The following NDUFC1 variants were observed in gnomAD, a reference collection of about 807,000 sequenced individuals.
NDUFC1 encodes NADH:ubiquinone oxidoreductase subunit C1.
Under a neutral mutation model 11.6 loss-of-function variants are expected in NDUFC1, and 11 were observed. The observed-to-expected ratio is 0.95, with a 90% confidence interval of 0.60 to 1.58. NDUFC1 has a LOEUF of 1.58. Ranked by LOEUF, NDUFC1 falls within the 40% of genes most tolerant of loss-of-function variation. The probability of loss-of-function intolerance (pLI) is 0.00; values close to 1 mark genes in which losing one functional copy is unlikely to be tolerated. For synonymous variants in NDUFC1, 52 were observed against 42.2 expected, an observed-to-expected ratio of 1.23 and a Z score of -0.90; for missense variants, 112 against 93.0, an observed-to-expected ratio of 1.20 and a Z score of -0.84.
intron 4 of NDUFC1, 137 bp downstream of exon 4, chr4:139,294,906 C>T (rs909547274): frequency 8.1e-5 from 47 of 583,532 alleles, no homozygotes; most frequent in African/African-American, 5.6e-5. Context: ...TACGTATCAG[C>T]GATTATATAA....
intron 5 of NDUFC1, among the ~76,000 whole-genome samples, chr4:139,291,825 T>C (rs867479012): frequency 3.3e-5 from 5 of 151,844 alleles, no homozygotes; most frequent in South Asian, 2.1e-4. Flanking sequence ...GAAAATAATA[T>C]GATTTTGGGT....
intron 5 of NDUFC1, among the ~76,000 whole-genome samples, chr4:139,291,841 C>A (rs1278581925): frequency 1.4e-5 from 2 of 144,252 alleles, no homozygotes; most frequent in Non-Finnish European, 1.5e-5. Context: ...TGGGTTCATT[C>A]TTTTTTTTTT....
At chr4:139,299,251 A>G (rs887532399) in intron 1 of NDUFC1, among the ~76,000 whole-genome samples, 5 of 150,968 alleles carry the variant, frequency 3.3e-5, no homozygotes, top group Non-Finnish European at 7.4e-5. Context: ...TACAGGTGTG[A>G]GCCACCAAGC....
chr4:139,299,988 A>G (rs1745641573), intron 1 of NDUFC1, among the ~76,000 whole-genome samples: 1 of 152,212 alleles, frequency 6.6e-6, no homozygotes, highest in Admixed American at 6.5e-5. Flanking sequence ...TGGAAATCCA[A>G]GCTAAAACTA....
At position 139,301,726 on chromosome 4, in the gene NDUFC1, A is replaced by G. The variant is rs1335515415; in HGVS notation, c.-222+690T>C. The G allele has an allele frequency of 3.3e-6, 5 of 1,532,880 alleles. No individual in the cohort carries two copies. In the East Asian group the frequency reaches 7.5e-5, roughly 23 times the overall value. The allele number at this position is 1,532,880 out of a possible 1,614,324, so 95.0% of individuals were successfully genotyped here. On this transcript the variant is annotated intron_variant, in intron 1 of 5. Coordinates refer to ENST00000394223, the MANE Select transcript of NDUFC1 (RefSeq NM_001184989.2). The stretch of plus-strand genomic sequence containing the variant: ...GAACGGCAGCGGCGGCGGTCGGACA[A>G]ACTGACTGACCGAGCCGGGTGGTGG...
chr4:139,292,737 G>A, intron 4 of NDUFC1, 128 bp from the exon 5 acceptor site: 1 of 472,250 alleles, frequency 2.1e-6, no homozygotes, highest in Non-Finnish European at 3.4e-6. Context: ...AGATCCAAAA[G>A]TTCAAAAACC....
chr4:139,296,347 T>C (rs1330414770), intron 2 of NDUFC1: 2 of 152,676 alleles, frequency 1.3e-5, no homozygotes, highest in Non-Finnish European at 2.9e-5. Flanking sequence ...ACACTCACGA[T>C]CATACTGAAG....
intron 5 of NDUFC1, among the ~76,000 whole-genome samples, chr4:139,290,388 C>G (rs181071380): frequency 6.7e-6 from 1 of 149,198 alleles, no homozygotes. Flanking sequence ...TATGCTATCC[C>G]GCTGCCTAGG....
chr4:139,300,724 G>A (rs1237613864), intron 1 of NDUFC1: 1 of 152,194 alleles, frequency 6.6e-6, no homozygotes, highest in Admixed American at 6.5e-5. Flanking sequence ...GGGAGTTCGA[G>A]TCACAATATT....
chr4:139,294,997 T>C (rs778425277), intron 4 of NDUFC1, 46 bp downstream of exon 4: 8 of 1,435,282 alleles, frequency 5.6e-6, no homozygotes, highest in African/African-American at 1.4e-5. Context: ...GTCATTCCCT[T>C]ACCACGCTGG....
rs1745675009 is a variant in NDUFC1, at chr4:139,300,696, T to G, written c.-222+1720A>C. On this transcript the variant is annotated intron_variant, in intron 1 of 5. Coordinates refer to ENST00000394223, the MANE Select transcript of NDUFC1 (RefSeq NM_001184989.2). ...TTGCCAGTCTTTGGCTTCTAAGATC[T>G]GAGAATTTCTGGGGATGGGGAGTTC... is the stretch of plus-strand genomic sequence containing the variant. 2.0e-5 allele frequency: 3 copies of G among 152,168 alleles called. No homozygotes were observed. The South Asian group carries it at 6.2e-4, about 31-fold the overall frequency. The allele number at this position is 152,168 out of a possible 1,614,324, so 9.4% of individuals were successfully genotyped here.
At position 139,289,933 on chromosome 4, in the gene NDUFC1, T is replaced by C. The variant is rs181627655; in HGVS notation, c.*180A>G. The C allele has an allele frequency of 6.6e-6, 1 of 152,366 alleles. No homozygotes were observed. Among genetic ancestry groups the C allele is most frequent in the East Asian group, 1.9e-4 (1 of 5,194 alleles). 9.4% of individuals were successfully genotyped at this position (152,366 alleles called of 1,614,324 possible). On this transcript the variant is annotated 3_prime_UTR_variant, in exon 6 of 6. Coordinates refer to ENST00000394223, the MANE Select transcript of NDUFC1 (RefSeq NM_001184989.2). ...TTCTACAAGTTGTCACAATATGCTT[T>C]ATCTGAAGAATACAGAAGTATTTTT...
At chr4:139,299,291 C>G (rs1003116144) in intron 1 of NDUFC1, among the ~76,000 whole-genome samples, 2 of 150,784 alleles carry the variant, frequency 1.3e-5, no homozygotes. Context: ...TAAATAAGAT[C>G]CAAGTACTTA....
chr4:139,294,596 G>A (rs976897053), intron 4 of NDUFC1, among the ~76,000 whole-genome samples: 1 of 151,910 alleles, frequency 6.6e-6, no homozygotes, highest in Non-Finnish European at 1.5e-5. Context: ...TTAGCCGGGC[G>A]TGGTGGCGGG....
intron 1 of NDUFC1, among the ~76,000 whole-genome samples, chr4:139,298,535 C>G (rs1745569053): frequency 6.6e-6 from 1 of 151,378 alleles, no homozygotes; most frequent in Non-Finnish European, 1.5e-5. Flanking sequence ...GGGTGGATTG[C>G]TTAAGCCCAG....
chr4:139,295,640 G>A, intron 3 of NDUFC1, 92 bp downstream of exon 3: 1 of 1,397,850 alleles, frequency 7.2e-7, no homozygotes, highest in South Asian at 1.4e-5. Flanking sequence ...GGACGAACCC[G>A]GGCCGCTGCC....
chr4:139,294,814 A>T (rs542994828), intron 4 of NDUFC1, among the ~76,000 whole-genome samples: 32 of 152,170 alleles, frequency 2.1e-4, no homozygotes, highest in African/African-American at 7.5e-4. Context: ...ACAATAACAG[A>T]AATTTTAGTC....
Position 139,298,377 on chromosome 4 carries a change from G to C in NDUFC1, c.-221-934C>G, listed in dbSNP as rs539185452. Among the ~76,000 whole-genome samples, 274 of 151,110 alleles carry C rather than the reference G, an allele frequency of 1.8e-3. 2 individuals are homozygous for C. The highest frequency in any genetic ancestry group is 2.9e-4 in the Non-Finnish European group (20 of 67,860). On this transcript the variant is annotated intron_variant, in intron 1 of 5. Transcript: ENST00000394223. ...TCGCTTGAACCCAGGAGGCAGAGTT[G>C]CGGTGAGCTGAGATCGCACCATTGC...
intron 3 of NDUFC1, 129 bp downstream of exon 3, chr4:139,295,603 G>A: frequency 1.0e-6 from 1 of 995,896 alleles, no homozygotes; most frequent in Non-Finnish European, 1.4e-6. Context: ...CTGGGCCTTG[G>A]GTCGTCTGCC....
Sources: gnomAD v4.1 joint callset for allele counts (sites outside exome capture counted in the v4.1 genomes callset) on GRCh38, gnomAD v4.1.1 for gene constraint, MANE v1.5 for transcripts, NCBI Gene and HGNC (gene_info 2026-07-23, HGNC 2026-07-21) for gene names.